Variants in ST3GAL3 observed in about 807,000 individuals in gnomAD.
The protein encoded by ST3GAL3 is CMP-N-acetylneuraminate-beta-1,4-galactoside alpha-2,3-sialyltransferase.
ST3GAL3 carries 21 observed loss-of-function variants against 50.1 expected under a neutral mutation model. The ratio of observed to expected loss-of-function variants is 0.42; its 90% CI spans 0.30 to 0.60. ST3GAL3 has a LOEUF of 0.60. Ranked by LOEUF, ST3GAL3 falls within the 20% of genes least tolerant of loss-of-function variation. The pLI is 0.19. For missense variants in ST3GAL3, 353 were observed against 489.4 expected (o/e 0.72, Z 2.63); for synonymous variants, 183 against 190.0 (o/e 0.96, Z 0.30).
chr1:43,907,320 C>G (rs548727078), intron 9 of ST3GAL3, among the ~76,000 whole-genome samples: 84 of 152,344 alleles, frequency 5.5e-4, no homozygotes, highest in African/African-American at 1.9e-3. Flanking sequence ...GCTCCCTTTC[C>G]CAGTGCTTTC....
chr1:43,828,012 A>T (rs1286798854), intron 4 of ST3GAL3, among the ~76,000 whole-genome samples: 1 of 152,252 alleles, frequency 6.6e-6, no homozygotes, highest in Non-Finnish European at 1.5e-5. Flanking sequence ...CAATAAAGCT[A>T]TCAAGATACA....
intron 1 of ST3GAL3, among the ~76,000 whole-genome samples, chr1:43,730,408 C>A (rs1675097713): frequency 6.6e-6 from 1 of 152,180 alleles, no homozygotes; most frequent in East Asian, 1.9e-4. Flanking sequence ...AAAGAAAATT[C>A]TTTCTAAGAG....
intron 1 of ST3GAL3, among the ~76,000 whole-genome samples, chr1:43,719,714 C>T (rs1030157699): frequency 5.3e-5 from 7 of 130,892 alleles, no homozygotes; most frequent in African/African-American, 1.5e-4. Flanking sequence ...GGGCGGATCA[C>T]TTGAGGTCAG....
At chr1:43,749,520 T>G (rs1358231590) in intron 2 of ST3GAL3, among the ~76,000 whole-genome samples, 2 of 152,150 alleles carry the variant, frequency 1.3e-5, no homozygotes, top group Non-Finnish European at 2.9e-5. Flanking sequence ...GAGGGTCACT[T>G]GAGCCCAGGA....
chr1:43,755,998 G>A (rs1370325352), intron 2 of ST3GAL3, among the ~76,000 whole-genome samples: 2 of 150,960 alleles, frequency 1.3e-5, no homozygotes, highest in Non-Finnish European at 2.9e-5. Context: ...CTACTCAGGA[G>A]GCTGAGGTGG....
At chr1:43,815,803 A>G (rs1480776656) in intron 4 of ST3GAL3, among the ~76,000 whole-genome samples, 1 of 152,068 alleles carries the variant, frequency 6.6e-6, no homozygotes, top group Non-Finnish European at 1.5e-5. Context: ...ATCCTTCCCT[A>G]CTAGGCTTCT....
intron 5 of ST3GAL3, among the ~76,000 whole-genome samples, chr1:43,853,042 A>G (rs1381740273): frequency 2.0e-5 from 3 of 152,220 alleles, no homozygotes; most frequent in African/African-American, 7.2e-5. Context: ...TAAAACCTAA[A>G]TTGACACATA....
At chr1:43,902,150 C>T (rs2078390652) in intron 9 of ST3GAL3, among the ~76,000 whole-genome samples, 1 of 152,216 alleles carries the variant, frequency 6.6e-6, no homozygotes, top group African/African-American at 2.4e-5. Context: ...CCCTAGTCAC[C>T]AGCTTGTCCT....
At chr1:43,819,796 C>T (rs1207513691) in intron 4 of ST3GAL3, among the ~76,000 whole-genome samples, 1 of 152,132 alleles carries the variant, frequency 6.6e-6, no homozygotes, top group Non-Finnish European at 1.5e-5. Flanking sequence ...CTAGTAGTAC[C>T]CAGTATCTGT....
In ST3GAL3 at chr1:43,899,314, A is replaced by T. The variant is rs1558785809; in HGVS notation, c.557+51A>T. ...GGTGAGTGTCGTGGCCCCAACCCTT[A>T]GTCCTGAGCCCATTGAGAACTGTCT... On this transcript the variant is annotated intron_variant, in intron 8 of 11. Transcript: ENST00000347631. The surrounding 1 kb of genome is among the most constrained non-coding windows in gnomAD (Gnocchi z 5.4). 2 of 1,613,942 alleles carry T rather than the reference A, an allele frequency of 1.2e-6. No homozygotes were observed. The highest frequency in any genetic ancestry group is 4.5e-5 in the East Asian group (2 of 44,872).
chr1:43,745,192 A>G (rs942556192), intron 2 of ST3GAL3, among the ~76,000 whole-genome samples: 2 of 152,226 alleles, frequency 1.3e-5, no homozygotes, highest in South Asian at 4.1e-4. Context: ...CTTTCTTAAA[A>G]GACAACTAAT....
At chr1:43,910,514 T>C (rs3791111) in intron 9 of ST3GAL3, among the ~76,000 whole-genome samples, 2 of 152,344 alleles carry the variant, frequency 1.3e-5, no homozygotes, top group South Asian at 2.1e-4. Context: ...CACACTGTGC[T>C]CATCTGCAAT....
At chr1:43,858,593 C>T (rs1246471693) in intron 5 of ST3GAL3, among the ~76,000 whole-genome samples, 5 of 152,222 alleles carry the variant, frequency 3.3e-5, no homozygotes, top group Admixed American at 1.3e-4. Context: ...TCCTGGCCCT[C>T]CTCCTGAGCT....
At chr1:43,883,435 A>G (rs2075480508) in intron 5 of ST3GAL3, among the ~76,000 whole-genome samples, 4 of 152,232 alleles carry the variant, frequency 2.6e-5, no homozygotes, top group South Asian at 4.1e-4. Flanking sequence ...ATCCACTGCA[A>G]CGTGCCAACA....
chr1:43,748,908 A>G (rs1684952345), intron 2 of ST3GAL3, among the ~76,000 whole-genome samples: 1 of 152,224 alleles, frequency 6.6e-6, no homozygotes, highest in Non-Finnish European at 1.5e-5. Flanking sequence ...TCTAAAATTT[A>G]TATGAAAACA....
intron 9 of ST3GAL3, among the ~76,000 whole-genome samples, chr1:43,917,491 T>TATATATAATATATTATATAATATA (rs2082069208): frequency 4.9e-5 from 2 of 40,790 alleles, no homozygotes; most frequent in African/African-American, 1.3e-4. Flanking sequence ...TAATATATAA[T>TATATATAATATATTATATAATATA]ATATATAATA....
chr1:43,882,938 C>CTTTT lies in ST3GAL3; in HGVS notation c.303-11444_303-11441dup, dbSNP rs1294518598. Reference sequence around the variant, plus strand: ...ATAGCACTTAGGTCAAGTGCCCATTCTTTTATTTATTTATTTATTTATTTA... The same window carrying CTTTT: ...ATAGCACTTAGGTCAAGTGCCCATTCTTTTTTTTATTTATTTATTTATTTATTTA... On this transcript the variant is annotated intron_variant, in intron 5 of 11. Coordinates refer to ENST00000347631, the MANE Select transcript of ST3GAL3 (RefSeq NM_006279.5). Among the ~76,000 whole-genome samples the CTTTT allele has an allele frequency of 9.8e-4, 124 of 126,372 alleles. 2 individuals carry two copies. The highest frequency in any genetic ancestry group is 7.3e-4 in the East Asian group (3 of 4,112). 82.9% of individuals were successfully genotyped at this position (126,372 alleles called of 152,430 possible). A position where few individuals can be genotyped will look rare whatever the true frequency, so the allele number is the denominator to read the frequency against.
intron 2 of ST3GAL3, among the ~76,000 whole-genome samples, chr1:43,748,281 A>G (rs1052151092): frequency 6.6e-6 from 1 of 152,188 alleles, no homozygotes; most frequent in East Asian, 1.9e-4. Context: ...ATCTAAACAT[A>G]TGCAAGACCT....
chr1:43,918,187 T>C (rs1557545705), intron 9 of ST3GAL3, among the ~76,000 whole-genome samples: 1 of 148,562 alleles, frequency 6.7e-6, no homozygotes, highest in African/African-American at 2.5e-5. Flanking sequence ...GGCGTGATGA[T>C]GACCCACTGT....
Sources: allele counts gnomAD v4.1 joint callset (sites outside exome capture counted in the v4.1 genomes callset), GRCh38; gene constraint gnomAD v4.1.1; non-coding constraint Gnocchi (gnomAD v3.1); transcripts MANE v1.5; gene names NCBI Gene and HGNC (gene_info 2026-07-23, HGNC 2026-07-21).